Variants in DAB1 observed in about 807,000 individuals in gnomAD.
DAB1 encodes disabled homolog 1.
A neutral mutation model predicts 64.6 loss-of-function variants in DAB1; 15 were observed. The ratio of observed to expected loss-of-function variants is 0.23; its 90% CI spans 0.16 to 0.36. DAB1 has a LOEUF of 0.36. Among genes scored for constraint, DAB1 ranks in the 10% least tolerant of loss-of-function variants. The probability of loss-of-function intolerance (pLI) is 1.00; values close to 1 mark genes in which losing one functional copy is unlikely to be tolerated. For missense variants in DAB1, 596 were observed against 706.7 expected, an observed-to-expected ratio of 0.84 and a Z score of 1.78; for synonymous variants, 235 against 251.9, an observed-to-expected ratio of 0.93 and a Z score of 0.64.
At chr1:58,102,589 G>A (rs1473846897) in intron 5 of DAB1, among the ~76,000 whole-genome samples, 1 of 152,200 alleles carries the variant, frequency 6.6e-6, no homozygotes, top group African/African-American at 2.4e-5. Flanking sequence ...TCCAGAGAAA[G>A]TAGAGATGTC....
rs371726543 is a variant in DAB1, at chr1:57,269,006, A to G, written c.67+21958T>C. Among the ~76,000 whole-genome samples, 7 of 152,286 alleles carry G rather than the reference A, an allele frequency of 4.6e-5. No homozygotes were observed. The South Asian group carries it at 6.2e-4, about 14-fold the overall frequency. On this transcript the variant is annotated intron_variant, in intron 2 of 14. Transcript: ENST00000371236. Reference sequence around the variant, plus strand: ...ATGACCGAGCCAGGGAGATGGGGCCACTGGAAGGTGGCTGGGGCTGTGGTG... The same window carrying G: ...ATGACCGAGCCAGGGAGATGGGGCCGCTGGAAGGTGGCTGGGGCTGTGGTG...
intron 7 of DAB1, among the ~76,000 whole-genome samples, chr1:57,599,787 C>T (rs1314762764): frequency 6.6e-6 from 1 of 152,090 alleles, no homozygotes; most frequent in Non-Finnish European, 1.5e-5. Context: ...GTCCCCAGCC[C>T]GGTGCCTGTA....
chr1:57,159,975 T>C (rs1184657891), intron 2 of DAB1, among the ~76,000 whole-genome samples: 1 of 151,982 alleles, frequency 6.6e-6, no homozygotes, highest in African/African-American at 2.4e-5. Context: ...GAGCGTAGCC[T>C]ATCCTGCTCA....
intron 2 of DAB1, among the ~76,000 whole-genome samples, chr1:57,152,683 T>C (rs1659803609): frequency 6.6e-6 from 1 of 152,256 alleles, no homozygotes; most frequent in African/African-American, 2.4e-5. Context: ...TGTCTCCAAG[T>C]GATAATTGTA....
intron 1 of DAB1, among the ~76,000 whole-genome samples, chr1:57,397,600 G>A (rs774425172): frequency 1.2e-4 from 19 of 152,122 alleles, no homozygotes; most frequent in Non-Finnish European, 2.2e-4. Context: ...GCCATGTATG[G>A]GAGGCAGATG....
chr1:58,234,737 T>A (rs1260801273), intron 4 of DAB1, among the ~76,000 whole-genome samples: 2 of 152,156 alleles, frequency 1.3e-5, no homozygotes, highest in Non-Finnish European at 1.5e-5. Context: ...TTCCCTAGGA[T>A]CAGACTTCCT....
At chr1:57,480,478 T>C (rs147549376) in intron 7 of DAB1, among the ~76,000 whole-genome samples, 2 of 148,080 alleles carry the variant, frequency 1.4e-5, no homozygotes, top group African/African-American at 5.2e-5. Context: ...TTCATCATAA[T>C]TAGTGTAATT....
chr1:57,327,124 GT>G (rs1014138338), intron 1 of DAB1, among the ~76,000 whole-genome samples: 2 of 151,872 alleles, frequency 1.3e-5, no homozygotes, highest in African/African-American at 4.8e-5. Context: ...ATTTTTTGTA[GT>G]GATGGGGGTC....
chr1:58,074,549 CAT>C (rs1257532700), intron 5 of DAB1: 16 of 66,412 alleles, frequency 2.4e-4, no homozygotes, highest in Admixed American at 1.2e-3. Flanking sequence ...TATATACACA[CAT>C]ATATATATGT....
chr1:58,027,641 GTTC>G (rs1177743922), intron 5 of DAB1, among the ~76,000 whole-genome samples: 1 of 151,982 alleles, frequency 6.6e-6, no homozygotes, highest in Non-Finnish European at 1.5e-5. Flanking sequence ...TGCCTGCTTT[GTTC>G]TTCTTCCAAT....
intron 4 of DAB1, among the ~76,000 whole-genome samples, chr1:58,268,459 G>A (rs1661228318): frequency 1.3e-5 from 2 of 152,098 alleles, no homozygotes; most frequent in African/African-American, 4.8e-5. Context: ...TTCTATGTGT[G>A]GCAGAAACAT....
intron 3 of DAB1, among the ~76,000 whole-genome samples, chr1:58,420,155 T>C (rs1223317070): frequency 6.6e-6 from 1 of 152,198 alleles, no homozygotes; most frequent in Non-Finnish European, 1.5e-5. Flanking sequence ...CCACTTTTTA[T>C]AGTCAACAAT....
downstream of DAB1, chr1:57,826,042 C>T (rs1210756927): frequency 1.3e-5 from 2 of 152,156 alleles, no homozygotes; most frequent in Non-Finnish European, 2.9e-5. Flanking sequence ...ATGTGGTTTG[C>T]TAGGGTACAG....
chr1:58,450,741 G>A (rs191083513), intron 3 of DAB1, among the ~76,000 whole-genome samples: 107 of 152,240 alleles, frequency 7.0e-4, no homozygotes, highest in African/African-American at 2.2e-3. Context: ...GTGACAGAGC[G>A]AGACTCCGTC....
At chr1:58,077,594 A>G (rs889079635) in intron 5 of DAB1, among the ~76,000 whole-genome samples, 1 of 152,244 alleles carries the variant, frequency 6.6e-6, no homozygotes, top group African/African-American at 2.4e-5. Flanking sequence ...GAAGAAAAAT[A>G]TGGAGAAGGA....
intron 2 of DAB1, among the ~76,000 whole-genome samples, chr1:57,196,942 C>G (rs1664670140): frequency 6.6e-6 from 1 of 152,124 alleles, no homozygotes; most frequent in Non-Finnish European, 1.5e-5. Flanking sequence ...CAGGTACTTC[C>G]TAAGCACTTT....
At chr1:58,145,579 T>C (rs185420625) in intron 5 of DAB1, among the ~76,000 whole-genome samples, 25 of 152,368 alleles carry the variant, frequency 1.6e-4, no homozygotes, top group Middle Eastern at 3.4e-3. Flanking sequence ...ACTACAATTA[T>C]TGAAATCATC....
intron 3 of DAB1, among the ~76,000 whole-genome samples, chr1:58,389,535 G>T (rs1261461155): frequency 6.6e-6 from 1 of 152,148 alleles, no homozygotes; most frequent in Non-Finnish European, 1.5e-5. Flanking sequence ...TAAGAGTTCT[G>T]GGTTTGAATC....
At chr1:57,629,623 G>C (rs1040696175) in intron 7 of DAB1, among the ~76,000 whole-genome samples, 16 of 152,072 alleles carry the variant, frequency 1.1e-4, no homozygotes, top group African/African-American at 3.9e-4. Flanking sequence ...ATTGGTAGGA[G>C]TGTGTCTGAG....
Sources: allele counts gnomAD v4.1 joint callset (sites outside exome capture counted in the v4.1 genomes callset), GRCh38; gene constraint gnomAD v4.1.1; transcripts MANE v1.5; gene names NCBI Gene and HGNC (gene_info 2026-07-23, HGNC 2026-07-21).